The following RBFOX1 variants were observed in gnomAD, a reference collection of about 807,000 sequenced individuals.
The protein encoded by RBFOX1 is RNA binding protein fox-1 homolog 1.
RBFOX1 carries 8 observed loss-of-function variants against 57.7 expected under a neutral mutation model. That is an observed-to-expected ratio of 0.14 (90% CI 0.08 to 0.25). RBFOX1 has a LOEUF of 0.25. RBFOX1 is among the 10% of genes least tolerant of loss of function. RBFOX1 has a pLI of 1.00. For synonymous variants in RBFOX1, 326 were observed against 222.4 expected, an observed-to-expected ratio of 1.47 and a Z score of -4.15; for missense variants, 611 against 548.5, an observed-to-expected ratio of 1.11 and a Z score of -1.14.
At chr16:5,566,261 G>T (rs1005857204) in intron 2 of RBFOX1, among the ~76,000 whole-genome samples, 2 of 152,090 alleles carry the variant, frequency 1.3e-5, no homozygotes, top group African/African-American at 2.4e-5. Context: ...TCTGCTGAGG[G>T]TTCATGTATT....
At chr16:6,729,762 CTCT>C (rs2068077010) in intron 3 of RBFOX1, among the ~76,000 whole-genome samples, 1 of 152,110 alleles carries the variant, frequency 6.6e-6, no homozygotes, top group Non-Finnish European at 1.5e-5. Context: ...TAAAGTCACA[CTCT>C]GTGTTCACTT....
intron 4 of RBFOX1, among the ~76,000 whole-genome samples, chr16:7,067,193 T>C (rs2056268217): frequency 6.6e-6 from 1 of 152,148 alleles, no homozygotes; most frequent in Non-Finnish European, 1.5e-5. Flanking sequence ...CAGAGGGTGA[T>C]CTTGAAAACT....
intron 3 of RBFOX1, among the ~76,000 whole-genome samples, chr16:6,934,495 A>G (rs577993897): frequency 2.0e-5 from 3 of 152,276 alleles, no homozygotes; most frequent in Admixed American, 2.0e-4. Flanking sequence ...CAGTGGGCTA[A>G]TGGACAAAGA....
intron 3 of RBFOX1, among the ~76,000 whole-genome samples, chr16:5,723,385 T>C (rs2052008778): frequency 1.2e-5 from 1 of 85,772 alleles, no homozygotes; most frequent in Non-Finnish European, 2.5e-5. Context: ...AAGCTGTGGA[T>C]TAAACAGTGG....
intron 2 of RBFOX1, among the ~76,000 whole-genome samples, chr16:5,481,294 G>C (rs2069532555): frequency 6.6e-6 from 1 of 152,066 alleles, no homozygotes; most frequent in South Asian, 2.1e-4. Flanking sequence ...GTTTCTTGTT[G>C]ACACCCATGA....
intron 2 of RBFOX1, among the ~76,000 whole-genome samples, chr16:6,570,501 A>C (rs556261379): frequency 5.9e-5 from 9 of 152,328 alleles, no homozygotes; most frequent in African/African-American, 1.9e-4. Context: ...CTCTCTATAT[A>C]TATATATACA....
At chr16:6,111,315 C>T (rs983840301) in intron 1 of RBFOX1, among the ~76,000 whole-genome samples, 1 of 152,178 alleles carries the variant, frequency 6.6e-6, no homozygotes, top group Admixed American at 6.5e-5. Flanking sequence ...TCTCAAGACT[C>T]AATCAGCTAT....
chr16:5,363,904 G>A (rs182837573), intron 1 of RBFOX1, among the ~76,000 whole-genome samples: 1 of 152,270 alleles, frequency 6.6e-6, no homozygotes, highest in East Asian at 1.9e-4. Flanking sequence ...GACGACCAGT[G>A]CTGACTGAGC....
At chr16:7,035,262 A>G (rs1212741842) in intron 3 of RBFOX1, among the ~76,000 whole-genome samples, 1 of 151,972 alleles carries the variant, frequency 6.6e-6, no homozygotes, top group Non-Finnish European at 1.5e-5. Flanking sequence ...TGTACTTGGG[A>G]TTCCGCACCC....
chr16:5,928,686 G>T (rs1424954815), intron 4 of RBFOX1, among the ~76,000 whole-genome samples: 1 of 146,850 alleles, frequency 6.8e-6, no homozygotes, highest in Non-Finnish European at 1.5e-5. Context: ...TTCACTCTCT[G>T]TGCTTCTGCC....
chr16:7,495,637 T>A (rs1172919212), intron 4 of RBFOX1, among the ~76,000 whole-genome samples: 2 of 152,224 alleles, frequency 1.3e-5, no homozygotes, highest in Admixed American at 1.3e-4. Flanking sequence ...AATGTCTGTT[T>A]GTGACCTTTG....
intron 3 of RBFOX1, among the ~76,000 whole-genome samples, chr16:5,697,261 T>G (rs2050873478): frequency 6.6e-6 from 1 of 152,128 alleles, no homozygotes; most frequent in African/African-American, 2.4e-5. Context: ...ACGTCATTTG[T>G]CAAGACTGTT....
chr16:6,033,872 C>T (rs1348404031), intron 1 of RBFOX1, among the ~76,000 whole-genome samples: 1 of 152,298 alleles, frequency 6.6e-6, no homozygotes, highest in East Asian at 1.9e-4. Context: ...CTGAGCTGCA[C>T]CCTTACATGT....
At chr16:6,949,409 G>GT (rs1303343149) in intron 3 of RBFOX1, among the ~76,000 whole-genome samples, 1 of 152,102 alleles carries the variant, frequency 6.6e-6, no homozygotes, top group Admixed American at 6.6e-5. Flanking sequence ...GCTGGCTAGG[G>GT]GCACCATAAC....
At chr16:5,855,075 GT>G (rs2056991467) in intron 3 of RBFOX1, among the ~76,000 whole-genome samples, 1 of 152,004 alleles carries the variant, frequency 6.6e-6, no homozygotes, top group Non-Finnish European at 1.5e-5. Flanking sequence ...TTGTATGTGT[GT>G]TTTTTTCTGC....
At chr16:6,652,838 G>A (rs762159644) in intron 2 of RBFOX1, among the ~76,000 whole-genome samples, 1 of 152,070 alleles carries the variant, frequency 6.6e-6, no homozygotes, top group Non-Finnish European at 1.5e-5. Context: ...GGTGGTGATG[G>A]TTGCACAACA....
chr16:7,562,073 G>C lies in RBFOX1; in HGVS notation c.271-17704G>C, dbSNP rs2090508993. 2.6e-5 allele frequency among the ~76,000 whole-genome samples: 4 copies of C among 152,144 alleles called. No individual in the cohort carries two copies. The South Asian group carries it at 6.2e-4, about 24-fold the overall frequency. On this transcript the variant is annotated intron_variant, in intron 5 of 15. Coordinates refer to ENST00000550418, the MANE Select transcript of RBFOX1 (RefSeq NM_018723.4). ...TTGGAGGCGTCAGCCAGAAAGGGAGGCTGCTGGAAGATTGCTAAGCTAGAG... is the reference window on the plus strand; with the variant it reads ...TTGGAGGCGTCAGCCAGAAAGGGAGCCTGCTGGAAGATTGCTAAGCTAGAG...
chr16:7,320,849 T>C (rs1404273898), intron 4 of RBFOX1, among the ~76,000 whole-genome samples: 1 of 152,224 alleles, frequency 6.6e-6, no homozygotes, highest in East Asian at 1.9e-4. Context: ...GGGAGTGTTA[T>C]TGCCCCAAAT....
chr16:5,594,379 G>T (rs1378573916), intron 2 of RBFOX1, among the ~76,000 whole-genome samples: 2 of 152,150 alleles, frequency 1.3e-5, no homozygotes, highest in Admixed American at 1.3e-4. Flanking sequence ...AATTTAGAAA[G>T]TTTATTTTTC....
Sources: gnomAD v4.1 joint callset for allele counts (sites outside exome capture counted in the v4.1 genomes callset) on GRCh38, gnomAD v4.1.1 for gene constraint, MANE v1.5 for transcripts, NCBI Gene and HGNC (gene_info 2026-07-23, HGNC 2026-07-21) for gene names.